The following POLD1 variants were observed in gnomAD, a reference collection of about 807,000 sequenced individuals.
The protein encoded by POLD1 is DNA polymerase delta 1, catalytic subunit.
In POLD1, 79 loss-of-function variants were observed where a neutral mutation model predicts 129.7. That is an observed-to-expected ratio of 0.61 (90% CI 0.51 to 0.73). The LOEUF is 0.73. Among genes scored for constraint, POLD1 ranks in the 30% least tolerant of loss-of-function variants. The pLI, the probability that POLD1 is intolerant of heterozygous loss-of-function variation, is 0.00. For synonymous variants in POLD1, 714 were observed against 683.3 expected, an observed-to-expected ratio of 1.04 and a Z score of -0.70; for missense variants, 1,338 against 1,595.8, an observed-to-expected ratio of 0.84 and a Z score of 2.75.
Position 50,409,333 on chromosome 19 carries a change from C to A in POLD1, c.2006+98C>A, listed in dbSNP as rs896014676. On this transcript the variant is annotated intron_variant, in intron 16 of 26. Transcript: ENST00000440232. The surrounding 1 kb of genome is among the most constrained non-coding windows in gnomAD (Gnocchi z 5.8). ...GACACCCCAGGGCTGCCCAGCCACC[C>A]TGCCCTCAGCTGTGCGTGAATTAGC... 1.3e-5 allele frequency: 16 copies of A among 1,207,078 alleles called. No homozygotes were observed. The highest frequency in any genetic ancestry group is 2.2e-4 in the Middle Eastern group (1 of 4,558). 74.8% of individuals were successfully genotyped at this position (1,207,078 alleles called of 1,614,324 possible). A position where few individuals can be genotyped will look rare whatever the true frequency, so the allele number is the denominator to read the frequency against.
chr19:50,410,037 G>C (rs562946631), intron 17 of POLD1, among the ~76,000 whole-genome samples: 1 of 152,156 alleles, frequency 6.6e-6, no homozygotes, highest in Non-Finnish European at 1.5e-5. Context: ...GCGGACTGTC[G>C]GGGAGTGATG....
intron 1 of POLD1, among the ~76,000 whole-genome samples, chr19:50,398,320 T>G (rs772550946): frequency 1.3e-5 from 2 of 151,930 alleles, no homozygotes; most frequent in Non-Finnish European, 2.9e-5. Context: ...GCCTGTAATC[T>G]CAGCACTTTG....
chr19:50,395,033 G>A (rs1278221571), intron 1 of POLD1: 1 of 148,762 alleles, frequency 6.7e-6, no homozygotes, highest in Non-Finnish European at 1.5e-5. Flanking sequence ...AGTAGAGACA[G>A]GGTTTCACCA....
intron 1 of POLD1, among the ~76,000 whole-genome samples, chr19:50,398,092 A>G (rs2038436982): frequency 6.6e-6 from 1 of 152,174 alleles, no homozygotes; most frequent in Non-Finnish European, 1.5e-5. Flanking sequence ...GAGCACACAC[A>G]CGACACGCTG....
At chr19:50,390,089 A>C (rs1601165838) in intron 1 of POLD1, among the ~76,000 whole-genome samples, 1 of 148,912 alleles carries the variant, frequency 6.7e-6, no homozygotes, top group Non-Finnish European at 1.5e-5. Flanking sequence ...TTATATTTTT[A>C]GTAGAGACAG....
intron 22 of POLD1, 33 bp downstream of exon 22, chr19:50,415,859 G>T: frequency 7.3e-7 from 1 of 1,376,046 alleles, no homozygotes. Context: ...CTCCCGCCCA[G>T]CCCCCTCGCT....
At chr19:50,407,999 G>C (rs1448169732) in intron 14 of POLD1, among the ~76,000 whole-genome samples, 1 of 151,870 alleles carries the variant, frequency 6.6e-6, no homozygotes, top group African/African-American at 2.4e-5. Context: ...TTGCGCCACT[G>C]CCCTCCAGCC....
chr19:50,404,346 T>C (rs1278653438), intron 10 of POLD1, among the ~76,000 whole-genome samples: 1 of 148,702 alleles, frequency 6.7e-6, no homozygotes, highest in Non-Finnish European at 1.5e-5. Flanking sequence ...CACTGCAAAC[T>C]CCGCCTCCCA....
In POLD1 at chr19:50,413,572, G is replaced by T. The variant is rs375450930; in HGVS notation, c.2250+51G>T. ...GAGATGGGCCCAGGGCAGGTGGGGG[G>T]ATGGAAGCCGGGCCGGACCCCCATG... is the stretch of plus-strand genomic sequence containing the variant. On this transcript the variant is annotated intron_variant, in intron 18 of 26. Transcript: ENST00000440232. 152 of 1,552,818 alleles carry T rather than the reference G, an allele frequency of 9.8e-5. No individual in the cohort carries two copies. In the African/African-American group the frequency reaches 1.9e-3, roughly 20 times the overall value.
chr19:50,416,283 T>G, intron 22 of POLD1, 113 bp from the exon 23 acceptor site: 2 of 1,091,096 alleles, frequency 1.8e-6, no homozygotes, highest in Non-Finnish European at 2.6e-6. Context: ...GCCCCCCCCA[T>G]GTCACAGCCC....
chr19:50,415,720 G>T lies in POLD1; in HGVS notation c.2718-4G>T, dbSNP rs755348897. ...CACCCACCCGCCACCCCATCTCCAC[G>T]CAGGATGAGGAAGCGGGACCCCGGG... On this transcript the variant is annotated splice_region_variant and splice_polypyrimidine_tract_variant and intron_variant, in intron 21 of 26. Transcript: ENST00000440232. 8.6e-7 allele frequency: 1 copy of T among 1,161,854 alleles called. No homozygotes were observed. 72.0% of individuals were successfully genotyped at this position (1,161,854 alleles called of 1,614,324 possible). A position where few individuals can be genotyped will look rare whatever the true frequency, so the allele number is the denominator to read the frequency against.
At position 50,389,099 on chromosome 19, in the gene POLD1, G is replaced by A. The variant is rs3219310; in HGVS notation, c.-2+4709G>A. ...ACGTGCCTCTGCCTCCCAGAGTGCT[G>A]GGATTACAGGCATGAGCCACCGCAC... On this transcript the variant is annotated intron_variant, in intron 1 of 26. Transcript: ENST00000440232. Among the ~76,000 whole-genome samples the A allele has an allele frequency of 2.5e-3, 375 of 151,492 alleles. 15 individuals are homozygous for A. The East Asian group carries it at 0.062, about 25-fold the overall frequency.
chr19:50,417,007 C>A, intron 24 of POLD1, 38 bp from the exon 25 acceptor site: 1 of 1,539,424 alleles, frequency 6.5e-7, no homozygotes, highest in South Asian at 1.2e-5. Context: ...CAGTTCCTGG[C>A]TGGGCCCCAG....
At position 50,399,500 on chromosome 19, in the gene POLD1, A is replaced by C. The variant is rs1284399602; in HGVS notation, c.316+16A>C. On this transcript the variant is annotated intron_variant, in intron 3 of 26. Transcript: ENST00000440232. ...CATTATGTGGGTGAGTTTAGGGGTT[A>C]TGGGTGAGTGCTGGGGCCCTGCGCT... is the stretch of plus-strand genomic sequence containing the variant. The C allele has an allele frequency of 1.9e-6, 3 of 1,564,490 alleles. No individual in the cohort carries two copies. Among genetic ancestry groups the C allele is most frequent in the African/African-American group, 1.4e-5 (1 of 73,932 alleles).
Position 50,408,860 on chromosome 19 carries a change from T to C in POLD1, c.1851T>C (p.Cys617=), listed in dbSNP as rs1490327681. 1.2e-6 allele frequency: 2 copies of C among 1,613,826 alleles called. No individual in the cohort carries two copies. The highest frequency in any genetic ancestry group is 1.7e-6 in the Non-Finnish European group (2 of 1,179,966). Residue 617 remains cysteine (C), a synonymous_variant, in exon 15 of 27, where the codon TGT becomes TGC. Transcript: ENST00000440232. ...CCATCATGATGGCCCACAACCTGTG[T>C]TACACCACGCTCCTTCGGCCCGGGA... is the stretch of plus-strand genomic sequence containing the variant. The part of the protein sequence containing the change: ...YPSIMMAHNL[C]YTTLLRPGTA...
rs1419818822 is a variant in POLD1, at chr19:50,417,956, G to A, written c.*9G>A. On this transcript the variant is annotated 3_prime_UTR_variant, in exon 27 of 27. Coordinates refer to ENST00000440232, the MANE Select transcript of POLD1 (RefSeq NM_002691.4). ...GACCTGAGGCCTGGTGACCTTGCAA[G>A]CATCCCATGGGGCGGGGGCGGGACC... is the stretch of plus-strand genomic sequence containing the variant. 2 of 1,562,878 alleles carry A rather than the reference G, an allele frequency of 1.3e-6. No individual in the cohort carries two copies. Among genetic ancestry groups the A allele is most frequent in the Admixed American group, 1.7e-5 (1 of 58,596 alleles).
intron 19 of POLD1, 115 bp downstream of exon 19, chr19:50,413,994 C>A: frequency 8.9e-7 from 1 of 1,121,916 alleles, no homozygotes; most frequent in Non-Finnish European, 1.2e-6. Flanking sequence ...TGCTTAGATT[C>A]TCCTGAGGCT....
At chr19:50,399,082 G>A (rs1297893991) in intron 2 of POLD1, 29 bp downstream of exon 2, 1 of 1,550,488 alleles carries the variant, frequency 6.4e-7, no homozygotes, top group East Asian at 2.4e-5. Flanking sequence ...GGTTCCTGCT[G>A]CCCAACCCAT....
At position 50,407,359 on chromosome 19, in the gene POLD1, G is replaced by A. The variant is rs1555791509; in HGVS notation, c.1719G>A (p.Val573=). ...AMHEGLLMPV[V]KSEGGEDYTG... ...ACGAGGGGCTGCTGATGCCCGTGGT[G>A]AAGTCAGAGGGCGGCGAGGACTACA... The change falls in exon 14 of 27, where the codon GTG becomes GTA. Residue 573 remains valine (V), a synonymous_variant. Transcript: ENST00000440232. 6.2e-7 allele frequency: 1 copy of A among 1,612,950 alleles called. No individual in the cohort carries two copies. Among genetic ancestry groups the A allele is most frequent in the Non-Finnish European group, 8.5e-7 (1 of 1,179,598 alleles).
Sources: allele counts gnomAD v4.1 joint callset (sites outside exome capture counted in the v4.1 genomes callset), GRCh38; gene constraint gnomAD v4.1.1; non-coding constraint Gnocchi (gnomAD v3.1); transcripts MANE v1.5; gene names NCBI Gene and HGNC (gene_info 2026-07-23, HGNC 2026-07-21).